Variants in GPC5 observed in about 807,000 individuals in gnomAD.
The protein encoded by GPC5 is glypican-5.
In GPC5, 47 loss-of-function variants were observed where a neutral mutation model predicts 53.9. The ratio of observed to expected loss-of-function variants is 0.87; its 90% CI spans 0.69 to 1.11. The LOEUF (loss-of-function observed/expected upper bound fraction) is 1.11. Ranked by LOEUF, GPC5 falls within the 50% of genes most tolerant of loss-of-function variation. The pLI, the probability that GPC5 is intolerant of heterozygous loss-of-function variation, is 0.00. For synonymous variants in GPC5, 286 were observed against 263.3 expected (o/e 1.09, Z -0.84); for missense variants, 748 against 713.1 (o/e 1.05, Z -0.56).
chr13:91,521,272 C>T (rs1406811176), intron 2 of GPC5, among the ~76,000 whole-genome samples: 53 of 152,312 alleles, frequency 3.5e-4, no homozygotes, highest in African/African-American at 4.8e-5. Context: ...ACCATCTAAA[C>T]ACAATGAAAA....
intron 2 of GPC5, among the ~76,000 whole-genome samples, chr13:91,560,185 G>A (rs1439931642): frequency 6.6e-6 from 1 of 152,130 alleles, no homozygotes; most frequent in Non-Finnish European, 1.5e-5. Flanking sequence ...GCATGAATTG[G>A]AGAAGGAATA....
At chr13:91,616,779 T>G (rs1221800213) in intron 2 of GPC5, among the ~76,000 whole-genome samples, 1 of 152,144 alleles carries the variant, frequency 6.6e-6, no homozygotes, top group East Asian at 1.9e-4. Flanking sequence ...ATTTAGAACA[T>G]TAGTATTATG....
intron 2 of GPC5, among the ~76,000 whole-genome samples, chr13:91,656,210 G>A (rs899304958): frequency 1.3e-5 from 2 of 152,166 alleles, no homozygotes; most frequent in African/African-American, 4.8e-5. Flanking sequence ...ATTGACAGAT[G>A]AATTTATTGT....
intron 2 of GPC5, among the ~76,000 whole-genome samples, chr13:91,634,716 T>C (rs1208916040): frequency 6.6e-6 from 1 of 152,060 alleles, no homozygotes; most frequent in Non-Finnish European, 1.5e-5. Flanking sequence ...TATATACCAG[T>C]ATTACCAATT....
rs138964802 is a variant in GPC5, at chr13:92,191,413, C to T, written c.1561+46424C>T. 8.0e-4 allele frequency among the ~76,000 whole-genome samples: 122 copies of T among 152,264 alleles called. 2 individuals are homozygous for T. Among genetic ancestry groups the T allele is most frequent in the African/African-American group, 2.6e-3 (109 of 41,568 alleles). ...GAGAATGTGGAGCAGCTGGAACTCT[C>T]AATAATTGCTGACGGGAATGTAAAA... On this transcript the variant is annotated intron_variant, in intron 7 of 7. Transcript: ENST00000377067.
rs150341166 is a variant in GPC5 at position 92,753,705 on chromosome 13, C to A, written c.1562-112577C>A. 1.5e-4 allele frequency among the ~76,000 whole-genome samples: 22 copies of A among 151,568 alleles called. 1 individual carries two copies. The highest frequency in any genetic ancestry group is 4.6e-4 in the African/African-American group (19 of 41,250). On this transcript the variant is annotated intron_variant, in intron 7 of 7. Transcript: ENST00000377067. ...AATGCAGAAACCTCAGGAGCCGATGCGATCAACTGGAAGAAAGGTATCAGC... is the reference window on the plus strand; with the variant it reads ...AATGCAGAAACCTCAGGAGCCGATGAGATCAACTGGAAGAAAGGTATCAGC...
intron 7 of GPC5, among the ~76,000 whole-genome samples, chr13:92,794,796 A>G (rs767095071): frequency 2.0e-5 from 3 of 152,160 alleles, no homozygotes; most frequent in Non-Finnish European, 4.4e-5. Flanking sequence ...TGCTACAAAG[A>G]GAATAAAATA....
At chr13:92,717,361 CAT>C (rs1359073361) in intron 7 of GPC5, among the ~76,000 whole-genome samples, 1 of 152,070 alleles carries the variant, frequency 6.6e-6, no homozygotes, top group African/African-American at 2.4e-5. Context: ...TGCCGCCAGA[CAT>C]ATACCATGAA....
Position 92,332,632 on chromosome 13 carries a change from A to T in GPC5, c.1561+187643A>T, listed in dbSNP as rs142780219. On this transcript the variant is annotated intron_variant, in intron 7 of 7. Coordinates refer to ENST00000377067, the MANE Select transcript of GPC5 (RefSeq NM_004466.6). ...ATAACTATTAATGCTGTTAATATAG[A>T]TAACATAAATAAATGAACATAATTT... Among the ~76,000 whole-genome samples the T allele has an allele frequency of 5.9e-5, 9 of 152,352 alleles. No homozygotes were observed. The East Asian group carries it at 1.7e-3, about 29-fold the overall frequency.
At chr13:92,677,540 A>G (rs934292161) in intron 7 of GPC5, among the ~76,000 whole-genome samples, 2 of 152,212 alleles carry the variant, frequency 1.3e-5, no homozygotes, top group African/African-American at 4.8e-5. Flanking sequence ...CTGAGAAAGA[A>G]GAGATAATTT....
At chr13:92,448,643 A>T (rs753584175) in intron 7 of GPC5, 2 of 152,082 alleles carry the variant, frequency 1.3e-5, no homozygotes, top group Non-Finnish European at 2.9e-5. Flanking sequence ...TATCTTGATG[A>T]GCATGGATTT....
At chr13:91,399,946 G>A (rs1318460415) in intron 1 of GPC5, among the ~76,000 whole-genome samples, 1 of 152,198 alleles carries the variant, frequency 6.6e-6, no homozygotes, top group African/African-American at 2.4e-5. Context: ...AGTTTGTGTG[G>A]CCAGCGTGGA....
chr13:91,797,555 CAAGATATTTAGTAAA>C (rs1487848433), intron 5 of GPC5, among the ~76,000 whole-genome samples: 13 of 151,866 alleles, frequency 8.6e-5, no homozygotes, highest in African/African-American at 3.1e-4. Context: ...TTGATTTGGC[CAAGATATTTAGTAAA>C]AAGATATTTA....
chr13:91,498,145 C>T (rs946375407), intron 2 of GPC5, among the ~76,000 whole-genome samples: 1 of 151,510 alleles, frequency 6.6e-6, no homozygotes, highest in Non-Finnish European at 1.5e-5. Flanking sequence ...CCACCCGCCG[C>T]CACACACACA....
intron 5 of GPC5, among the ~76,000 whole-genome samples, chr13:91,786,610 A>T (rs1357647917): frequency 6.6e-6 from 1 of 151,888 alleles, no homozygotes; most frequent in Non-Finnish European, 1.5e-5. Context: ...TCATATCGTG[A>T]TTTAAGAATT....
chr13:91,502,287 T>C (rs1041461593), intron 2 of GPC5, among the ~76,000 whole-genome samples: 2 of 152,164 alleles, frequency 1.3e-5, no homozygotes, highest in Non-Finnish European at 2.9e-5. Flanking sequence ...TTGTTGCCAT[T>C]GCTTTTGGTG....
chr13:92,402,523 T>C (rs571027663), intron 7 of GPC5, among the ~76,000 whole-genome samples: 1 of 152,278 alleles, frequency 6.6e-6, no homozygotes, highest in South Asian at 2.1e-4. Flanking sequence ...CACCTTAGGA[T>C]TGTCAGTATA....
At chr13:91,758,932 C>G (rs977186602) in intron 5 of GPC5, among the ~76,000 whole-genome samples, 5 of 152,080 alleles carry the variant, frequency 3.3e-5, no homozygotes, top group African/African-American at 9.7e-5. Context: ...CTCATGGGTC[C>G]CCAACCTACT....
chr13:91,409,452 C>A (rs1877563852), intron 1 of GPC5, among the ~76,000 whole-genome samples: 1 of 152,182 alleles, frequency 6.6e-6, no homozygotes, highest in Non-Finnish European at 1.5e-5. Context: ...CCAAATTTTA[C>A]TTCTTCCTTT....
Sources: allele counts gnomAD v4.1 joint callset (sites outside exome capture counted in the v4.1 genomes callset), GRCh38; gene constraint gnomAD v4.1.1; transcripts MANE v1.5; gene names NCBI Gene and HGNC (gene_info 2026-07-23, HGNC 2026-07-21).